The following SUPT3H variants were observed in gnomAD, a reference collection of about 807,000 sequenced individuals.
SUPT3H encodes the protein SPT3 homolog, SAGA and STAGA complex component.
In SUPT3H, 44 loss-of-function variants were observed where a neutral mutation model predicts 44.3. That is an observed-to-expected ratio of 0.99 (90% CI 0.78 to 1.28). SUPT3H has a LOEUF of 1.28. Ranked by LOEUF, SUPT3H falls within the 50% of genes most tolerant of loss-of-function variation. SUPT3H has a pLI of 0.00. For synonymous variants in SUPT3H, 124 were observed against 125.6 expected (o/e 0.99, Z 0.09); for missense variants, 380 against 387.1 (o/e 0.98, Z 0.15).
chr6:45,158,298 A>ATATATATTTTTTTTT, intron 2 of SUPT3H, among the ~76,000 whole-genome samples: 2 of 99,694 alleles, frequency 2.0e-5, no homozygotes, highest in African/African-American at 1.0e-4. Context: ...ATATATATAT[A>ATATATATTTTTTTTT]TTTTTTTTTT....
intron 6 of SUPT3H, among the ~76,000 whole-genome samples, chr6:44,970,525 A>G (rs989680706): frequency 6.6e-6 from 1 of 152,176 alleles, no homozygotes; most frequent in Non-Finnish European, 1.5e-5. Context: ...TTTAAGTAAT[A>G]GAACACTGAC....
intron 2 of SUPT3H, among the ~76,000 whole-genome samples, chr6:45,345,273 A>G (rs1790616505): frequency 6.6e-6 from 1 of 152,182 alleles, no homozygotes; most frequent in Admixed American, 6.5e-5. Flanking sequence ...TGCTCAAATG[A>G]CATGTTTTCC....
chr6:45,008,526 T>TA (rs985647334), intron 5 of SUPT3H, among the ~76,000 whole-genome samples: 1 of 150,506 alleles, frequency 6.6e-6, no homozygotes, highest in Non-Finnish European at 1.5e-5. Flanking sequence ...GGCTAATTAA[T>TA]TTTTTTTTTC....
chr6:44,982,544 GA>G (rs1292265360), intron 6 of SUPT3H, among the ~76,000 whole-genome samples: 1 of 152,122 alleles, frequency 6.6e-6, no homozygotes, highest in Non-Finnish European at 1.5e-5. Context: ...AATGTCACTG[GA>G]AGAAGCCATA....
Position 44,887,167 on chromosome 6 carries a change from T to C in SUPT3H, c.912+45486A>G, listed in dbSNP as rs543912075. ...GACTTAGACTCCCACACAATAATAATGGGAGACTTTAACACCCCACTGTCA... is the reference window on the plus strand; with the variant it reads ...GACTTAGACTCCCACACAATAATAACGGGAGACTTTAACACCCCACTGTCA... On this transcript the variant is annotated intron_variant, in intron 10 of 10. Transcript: ENST00000371459. Among the ~76,000 whole-genome samples, 87 of 152,216 alleles carry C rather than the reference T, an allele frequency of 5.7e-4. 1 individual carries two copies. The highest frequency in any genetic ancestry group is 1.8e-3 in the African/African-American group (74 of 41,536).
intron 10 of SUPT3H, chr6:44,898,913 G>A (rs976419210): frequency 2.0e-5 from 3 of 152,160 alleles, no homozygotes; most frequent in African/African-American, 7.2e-5. Context: ...GCAACTGACA[G>A]TTTTTTTTAT....
intron 2 of SUPT3H, among the ~76,000 whole-genome samples, chr6:45,326,430 T>A (rs549156220): frequency 1.3e-5 from 2 of 151,890 alleles, no homozygotes; most frequent in Non-Finnish European, 2.9e-5. Flanking sequence ...ACGACTTATT[T>A]ATAAAAGAGA....
At chr6:45,250,695 G>GA (rs1161228491) in intron 2 of SUPT3H, among the ~76,000 whole-genome samples, 4 of 151,890 alleles carry the variant, frequency 2.6e-5, no homozygotes, top group Non-Finnish European at 5.9e-5. Flanking sequence ...CAAATTGATG[G>GA]AAAAAACACC....
At chr6:44,938,038 A>G (rs1771773746) in intron 9 of SUPT3H, among the ~76,000 whole-genome samples, 1 of 145,198 alleles carries the variant, frequency 6.9e-6, no homozygotes, top group Admixed American at 7.0e-5. Context: ...GCCTCCTGTC[A>G]CTATCTTATT....
At chr6:45,058,119 T>C (rs752448233) in intron 3 of SUPT3H, among the ~76,000 whole-genome samples, 9 of 152,086 alleles carry the variant, frequency 5.9e-5, no homozygotes, top group Non-Finnish European at 1.0e-4. Context: ...TGGATTATTT[T>C]GATAGAAAAC....
chr6:44,943,317 C>T (rs1772770409), intron 9 of SUPT3H, among the ~76,000 whole-genome samples: 1 of 151,924 alleles, frequency 6.6e-6, no homozygotes, highest in African/African-American at 2.4e-5. Flanking sequence ...AATAGAATTG[C>T]TCCAATCTGA....
intron 10 of SUPT3H, among the ~76,000 whole-genome samples, chr6:44,908,228 T>C (rs1766429247): frequency 6.6e-6 from 1 of 151,002 alleles, no homozygotes; most frequent in Non-Finnish European, 1.5e-5. Context: ...CTGAGCTCAC[T>C]GCAAGCTCTG....
At chr6:44,881,823 T>C (rs1445346256) in intron 10 of SUPT3H, among the ~76,000 whole-genome samples, 5 of 152,096 alleles carry the variant, frequency 3.3e-5, no homozygotes, top group African/African-American at 9.7e-5. Context: ...AGTAAATAAG[T>C]TCTTCGAAGC....
chr6:45,344,827 GCC>G, intron 2 of SUPT3H, among the ~76,000 whole-genome samples: 1 of 152,122 alleles, frequency 6.6e-6, no homozygotes, highest in African/African-American at 2.4e-5. Flanking sequence ...AATGCAGTAA[GCC>G]AAGATTCAGA....
chr6:45,278,313 C>T (rs1777366940), intron 2 of SUPT3H, among the ~76,000 whole-genome samples: 1 of 152,022 alleles, frequency 6.6e-6, no homozygotes, highest in African/African-American at 2.4e-5. Context: ...AGAAAATATA[C>T]TTTAATGATA....
At chr6:45,197,675 TAAG>T (rs1372087844) in intron 2 of SUPT3H, 1 of 326,078 alleles carries the variant, frequency 3.1e-6, no homozygotes, top group Non-Finnish European at 6.2e-6. Context: ...TTACATAAAA[TAAG>T]AAGATAAAGA....
intron 11 of SUPT3H, among the ~76,000 whole-genome samples, chr6:44,817,201 G>A (rs1263630666): frequency 1.4e-5 from 2 of 145,798 alleles, no homozygotes; most frequent in Non-Finnish European, 3.0e-5. Flanking sequence ...AGTTCAACAA[G>A]TAAAAATCAA....
At chr6:45,030,815 T>G (rs1786799102) in intron 3 of SUPT3H, among the ~76,000 whole-genome samples, 1 of 152,170 alleles carries the variant, frequency 6.6e-6, no homozygotes, top group South Asian at 2.1e-4. Flanking sequence ...AGAAAATATA[T>G]AGAGAAAGTG....
chr6:45,178,777 A>G (rs567836001), intron 2 of SUPT3H, among the ~76,000 whole-genome samples: 208 of 152,312 alleles, frequency 1.4e-3, no homozygotes, highest in Non-Finnish European at 2.2e-3. Flanking sequence ...AAAAGCGCTC[A>G]AGTACATGGA....
Sources: gnomAD v4.1 joint callset for allele counts (sites outside exome capture counted in the v4.1 genomes callset) on GRCh38, gnomAD v4.1.1 for gene constraint, MANE v1.5 for transcripts, NCBI Gene and HGNC (gene_info 2026-07-23, HGNC 2026-07-21) for gene names.